Variants in ATG7 observed in about 807,000 individuals in gnomAD.
The protein encoded by ATG7 is autophagy related 7.
In ATG7, 70 loss-of-function variants were observed where a neutral mutation model predicts 82.4. The ratio of observed to expected loss-of-function variants is 0.85; its 90% CI spans 0.70 to 1.04. The LOEUF (loss-of-function observed/expected upper bound fraction) is 1.04, where lower values mean the gene tolerates loss of function less well. ATG7 is among the 50% of genes least tolerant of loss of function. ATG7 has a pLI of 0.00. For missense variants in ATG7, 792 were observed against 864.3 expected (o/e 0.92, Z 1.05); for synonymous variants, 287 against 313.0 (o/e 0.92, Z 0.88).
In ATG7 at chr3:11,418,103, G is replaced by A. The variant is rs909919191; in HGVS notation, c.1957-8701G>A. On this transcript the variant is annotated intron_variant, in intron 19 of 20. Transcript: ENST00000693202. ...TGGGATTACAGGCATGAGCCACAGCGCCTGGCCTGTATATTTTTTAAGGTA... is the reference window on the plus strand; with the variant it reads ...TGGGATTACAGGCATGAGCCACAGCACCTGGCCTGTATATTTTTTAAGGTA... 2.7e-5 allele frequency among the ~76,000 whole-genome samples: 4 copies of A among 150,836 alleles called. 1 individual carries two copies. Among genetic ancestry groups the A allele is most frequent in the Admixed American group, 1.3e-4 (2 of 15,128 alleles).
intron 5 of ATG7, among the ~76,000 whole-genome samples, chr3:11,305,380 A>G (rs1947554272): frequency 6.6e-6 from 1 of 152,186 alleles, no homozygotes; most frequent in African/African-American, 2.4e-5. Context: ...AGGCTTTGGT[A>G]TGGCTCTCAC....
chr3:11,311,603 CAAA>C (rs1320350651), intron 7 of ATG7, among the ~76,000 whole-genome samples: 5 of 82,204 alleles, frequency 6.1e-5, no homozygotes, highest in Non-Finnish European at 5.2e-5. Flanking sequence ...AGACTGTCTC[CAAA>C]AAAAAAAAAA....
At chr3:11,386,386 A>G (rs1028419591) in intron 19 of ATG7, among the ~76,000 whole-genome samples, 13 of 152,240 alleles carry the variant, frequency 8.5e-5, no homozygotes, top group African/African-American at 3.1e-4. Flanking sequence ...GACTTAAAAT[A>G]TATATGTATG....
intron 3 of ATG7, among the ~76,000 whole-genome samples, chr3:11,283,601 A>G (rs972498148): frequency 1.3e-5 from 2 of 152,034 alleles, no homozygotes; most frequent in Non-Finnish European, 2.9e-5. Flanking sequence ...ACTGCATTAC[A>G]TTACCTCTCC....
chr3:11,511,793 G>C (rs1357689864), intron 20 of ATG7, among the ~76,000 whole-genome samples: 2 of 152,258 alleles, frequency 1.3e-5, no homozygotes, highest in Admixed American at 1.3e-4. Flanking sequence ...CCGGTGGGCT[G>C]GTACTGCTGG....
chr3:11,443,564 C>T (rs1022374713), intron 20 of ATG7, among the ~76,000 whole-genome samples: 4 of 152,002 alleles, frequency 2.6e-5, no homozygotes, highest in Admixed American at 1.3e-4. Context: ...TTTTTTGTAT[C>T]TTAGTAGAGA....
intron 13 of ATG7, among the ~76,000 whole-genome samples, chr3:11,343,201 T>TTA (rs1391615706): frequency 6.6e-6 from 1 of 152,184 alleles, no homozygotes; most frequent in Non-Finnish European, 1.5e-5. Context: ...AGTGCTGGGT[T>TTA]TACAGGTGTG....
chr3:11,461,979 C>T (rs566516959), intron 20 of ATG7, among the ~76,000 whole-genome samples: 4 of 151,734 alleles, frequency 2.6e-5, no homozygotes, highest in Non-Finnish European at 5.9e-5. Flanking sequence ...TGCAGTGAGC[C>T]GAGATCATGC....
At chr3:11,411,182 C>G (rs1338489550) in intron 19 of ATG7, among the ~76,000 whole-genome samples, 1 of 152,046 alleles carries the variant, frequency 6.6e-6, no homozygotes, top group Non-Finnish European at 1.5e-5. Context: ...ACTTGCAGTT[C>G]TCTAATTATC....
At chr3:11,331,031 C>A (rs1246142235) in intron 9 of ATG7, among the ~76,000 whole-genome samples, 1 of 152,108 alleles carries the variant, frequency 6.6e-6, no homozygotes, top group African/African-American at 2.4e-5. Flanking sequence ...TCTTGACTGT[C>A]CTCCTTCATT....
chr3:11,562,229 C>G (rs1401328777), downstream of ATG7, among the ~76,000 whole-genome samples: 1 of 152,132 alleles, frequency 6.6e-6, no homozygotes. Context: ...CATCTTGCCT[C>G]TCCTCACTGG....
chr3:11,403,034 T>C (rs2079985717), intron 19 of ATG7, among the ~76,000 whole-genome samples: 1 of 152,236 alleles, frequency 6.6e-6, no homozygotes, highest in Non-Finnish European at 1.5e-5. Flanking sequence ...ACAAACACTT[T>C]GCTGTAGTGA....
chr3:11,364,604 T>C (rs2152817872), intron 17 of ATG7, 55 bp from the exon 18 acceptor site: 2 of 1,562,536 alleles, frequency 1.3e-6, no homozygotes, highest in South Asian at 2.2e-5. Context: ...TAGATCATCC[T>C]CCCATGTGTT....
At chr3:11,387,630 T>TA (rs2152862653) in intron 19 of ATG7, among the ~76,000 whole-genome samples, 2 of 152,318 alleles carry the variant, frequency 1.3e-5, no homozygotes, top group African/African-American at 4.8e-5. Flanking sequence ...TTTTGAGTCA[T>TA]GGATTGTGTT....
chr3:11,342,022 T>C lies in ATG7; in HGVS notation c.981-113T>C, dbSNP rs1953721145. 3 of 1,283,546 alleles carry C rather than the reference T, an allele frequency of 2.3e-6. No homozygotes were observed. The South Asian group carries it at 4.9e-5, about 21-fold the overall frequency. 79.5% of individuals were successfully genotyped at this position (1,283,546 alleles called of 1,614,324 possible). ...CCTCCAGTTTAATTTTCTTTTTCCT[T>C]TGATCCCAATTTCCTTATTATTTCT... On this transcript the variant is annotated intron_variant, in intron 12 of 20. Transcript: ENST00000693202.
chr3:11,344,737 G>A (rs1444463673), intron 13 of ATG7, among the ~76,000 whole-genome samples: 1 of 152,078 alleles, frequency 6.6e-6, no homozygotes, highest in Non-Finnish European at 1.5e-5. Flanking sequence ...GGCTGTAGTG[G>A]CGCGTGCCTG....
At chr3:11,497,635 G>A (rs1010472569) in intron 20 of ATG7, among the ~76,000 whole-genome samples, 8 of 148,976 alleles carry the variant, frequency 5.4e-5, no homozygotes, top group Non-Finnish European at 1.2e-4. Flanking sequence ...AATGCAACTC[G>A]TACAGTGCTT....
At chr3:11,296,175 G>T (rs1204230447) in intron 3 of ATG7, among the ~76,000 whole-genome samples, 1 of 152,126 alleles carries the variant, frequency 6.6e-6, no homozygotes, top group Non-Finnish European at 1.5e-5. Flanking sequence ...ACTGATCATT[G>T]TCACCTGTGT....
At chr3:11,376,008 A>G (rs1351425338) in intron 18 of ATG7, among the ~76,000 whole-genome samples, 1 of 152,262 alleles carries the variant, frequency 6.6e-6, no homozygotes, top group Non-Finnish European at 1.5e-5. Flanking sequence ...AATGTATTAT[A>G]GCAACACAAT....
Sources: gnomAD v4.1 joint callset for allele counts (sites outside exome capture counted in the v4.1 genomes callset) on GRCh38, gnomAD v4.1.1 for gene constraint, MANE v1.5 for transcripts, NCBI Gene and HGNC (gene_info 2026-07-23, HGNC 2026-07-21) for gene names.